EMB: variants seen among roughly 807,000 people sequenced by gnomAD.
EMB encodes the protein embigin homolog.
A neutral mutation model predicts 41.4 loss-of-function variants in EMB; 31 were observed. The ratio of observed to expected loss-of-function variants is 0.75; its 90% CI spans 0.56 to 1.01. The LOEUF (loss-of-function observed/expected upper bound fraction) is 1.01. Among genes scored for constraint, EMB ranks in the 50% least tolerant of loss-of-function variants. EMB has a pLI of 0.00. For missense variants in EMB, 379 were observed against 388.3 expected (o/e 0.98, Z 0.20); for synonymous variants, 137 against 140.4 (o/e 0.98, Z 0.17).
At chr5:50,414,648 G>A (rs575373677) in intron 2 of EMB, among the ~76,000 whole-genome samples, 69 of 151,724 alleles carry the variant, frequency 4.5e-4, no homozygotes, top group Admixed American at 1.8e-3. Flanking sequence ...AGTACAGCTC[G>A]TGCAAAGTGC....
chr5:50,440,911 C>G (rs1745897856), intron 1 of EMB, 129 bp downstream of exon 1: 1 of 554,070 alleles, frequency 1.8e-6, no homozygotes, highest in African/African-American at 2.0e-5. Context: ...CTCCCACCCG[C>G]CCTTACCAGC....
intron 1 of EMB, among the ~76,000 whole-genome samples, chr5:50,437,343 G>A (rs1745820908): frequency 6.6e-6 from 1 of 152,136 alleles, no homozygotes; most frequent in Non-Finnish European, 1.5e-5. Flanking sequence ...CATTTAAACA[G>A]ATTTTGGTCT....
chr5:50,422,860 C>A (rs769633726), intron 2 of EMB, among the ~76,000 whole-genome samples: 3 of 152,006 alleles, frequency 2.0e-5, no homozygotes, highest in Non-Finnish European at 2.9e-5. Context: ...GGCCAACTGT[C>A]AAGATGTTTT....
chr5:50,440,631 A>G (rs536226420), intron 1 of EMB, among the ~76,000 whole-genome samples: 2 of 152,010 alleles, frequency 1.3e-5, no homozygotes, highest in East Asian at 1.9e-4. Flanking sequence ...TCGAATCAAG[A>G]AAAGGGAGTA....
At chr5:50,442,400 A>G (rs143749601), upstream of EMB, among the ~76,000 whole-genome samples, 17 of 152,302 alleles carry the variant, frequency 1.1e-4, 1 homozygote, top group East Asian at 2.9e-3. Flanking sequence ...TGGCAGTGAG[A>G]TAATATGAAT....
At chr5:50,400,784 A>G (rs1289571785) in intron 7 of EMB, among the ~76,000 whole-genome samples, 1 of 152,074 alleles carries the variant, frequency 6.6e-6, no homozygotes, top group Non-Finnish European at 1.5e-5. Context: ...TCCAATTTTC[A>G]GAAAAATAAT....
chr5:50,414,522 C>A (rs1745396900), intron 2 of EMB, among the ~76,000 whole-genome samples: 1 of 99,936 alleles, frequency 1.0e-5, no homozygotes, highest in Non-Finnish European at 1.8e-5. Context: ...AGGGCCCTGT[C>A]TCAGGCAAAA....
At chr5:50,419,043 G>A (rs963382208) in intron 2 of EMB, among the ~76,000 whole-genome samples, 19 of 152,138 alleles carry the variant, frequency 1.2e-4, no homozygotes, top group Admixed American at 1.3e-4. Flanking sequence ...CTGCAAAGTG[G>A]TAATCATAGT....
intron 2 of EMB, among the ~76,000 whole-genome samples, chr5:50,420,336 G>A (rs1332802309): frequency 6.6e-6 from 1 of 152,152 alleles, no homozygotes; most frequent in Non-Finnish European, 1.5e-5. Flanking sequence ...CAAACTGCAG[G>A]TGTTTACACC....
Position 50,396,402 on chromosome 5 carries a change from A to G in EMB, c.*2871T>C, listed in dbSNP as rs1217653084. On this transcript the variant is annotated 3_prime_UTR_variant, in exon 9 of 9. Transcript: ENST00000303221. ...AAAGAAACAAAATAATCCAAGAGAGAGACCAACAAATGTATATTTATAACA... is the reference window on the plus strand; with the variant it reads ...AAAGAAACAAAATAATCCAAGAGAGGGACCAACAAATGTATATTTATAACA... 6.6e-6 allele frequency: 1 copy of G among 152,162 alleles called. No individual in the cohort carries two copies. The highest frequency in any genetic ancestry group is 1.5e-5 in the Non-Finnish European group (1 of 68,022). The allele number at this position is 152,162 out of a possible 1,614,324, so 9.4% of individuals were successfully genotyped here. A position where few individuals can be genotyped will look rare whatever the true frequency, so the allele number is the denominator to read the frequency against.
intron 2 of EMB, among the ~76,000 whole-genome samples, chr5:50,415,082 C>G (rs1049429977): frequency 1.3e-5 from 2 of 151,370 alleles, no homozygotes; most frequent in Admixed American, 6.6e-5. Flanking sequence ...CTCAAAATAT[C>G]CAAGAGATCC....
chr5:50,415,477 A>G (rs1207293379), intron 2 of EMB, among the ~76,000 whole-genome samples: 1 of 152,216 alleles, frequency 6.6e-6, no homozygotes, highest in East Asian at 1.9e-4. Context: ...TAATATAGCA[A>G]TTAATAAATG....
chr5:50,417,670 A>G (rs1245019832), intron 2 of EMB, among the ~76,000 whole-genome samples: 1 of 152,220 alleles, frequency 6.6e-6, no homozygotes, highest in African/African-American at 2.4e-5. Flanking sequence ...ATATGTATAT[A>G]AAATCTCCAA....
intron 4 of EMB, among the ~76,000 whole-genome samples, chr5:50,410,155 G>C (rs564326216): frequency 1.3e-5 from 2 of 152,068 alleles, no homozygotes; most frequent in African/African-American, 4.8e-5. Context: ...AGAGTCCGAC[G>C]TAGTTAATAT....
chr5:50,406,753 T>G (rs780311561), intron 4 of EMB, among the ~76,000 whole-genome samples: 1 of 151,878 alleles, frequency 6.6e-6, no homozygotes, highest in South Asian at 2.1e-4. Flanking sequence ...TCTTTTGGTT[T>G]TGTGTGTGTG....
chr5:50,437,009 G>A (rs775808142), intron 1 of EMB, among the ~76,000 whole-genome samples: 6 of 152,154 alleles, frequency 3.9e-5, no homozygotes, highest in Middle Eastern at 3.2e-3. Flanking sequence ...CGTAGCTCTC[G>A]CCTATAATCC....
chr5:50,403,090 T>C, intron 6 of EMB, 88 bp downstream of exon 6: 1 of 1,247,494 alleles, frequency 8.0e-7, no homozygotes, highest in East Asian at 2.6e-5. Flanking sequence ...ATGTATCAAA[T>C]CATAATCCAT....
chr5:50,429,131 T>C (rs1427571612), intron 1 of EMB, among the ~76,000 whole-genome samples: 1 of 152,146 alleles, frequency 6.6e-6, no homozygotes, highest in Admixed American at 6.5e-5. Context: ...CTTAACCTCG[T>C]GATCCGCCCG....
chr5:50,402,908 T>G (rs370452252), intron 6 of EMB, among the ~76,000 whole-genome samples: 12,485 of 76,758 alleles, frequency 0.16, 1 homozygote, highest in Admixed American at 0.2. Flanking sequence ...AAGAGGGGGG[T>G]GGTGGGGGAA....
Sources: gnomAD v4.1 joint callset for allele counts (sites outside exome capture counted in the v4.1 genomes callset) on GRCh38, gnomAD v4.1.1 for gene constraint, MANE v1.5 for transcripts, NCBI Gene and HGNC (gene_info 2026-07-23, HGNC 2026-07-21) for gene names.